ZFR2: variants seen among roughly 807,000 people sequenced by gnomAD.
ZFR2 encodes zinc finger RNA binding protein 2, also known as zinc finger RNA-binding protein 2.
Under a neutral mutation model 105.7 loss-of-function variants are expected in ZFR2, and 104 were observed. That is an observed-to-expected ratio of 0.98 (90% CI 0.84 to 1.16). ZFR2 has a LOEUF of 1.16. Among genes scored for constraint, ZFR2 ranks in the 50% most tolerant of loss-of-function variants. The probability of loss-of-function intolerance (pLI) is 0.00; values close to 1 mark genes in which losing one functional copy is unlikely to be tolerated. For missense variants in ZFR2, 1,425 were observed against 1,355.5 expected, an observed-to-expected ratio of 1.05 and a Z score of -0.80; for synonymous variants, 634 against 597.7, an observed-to-expected ratio of 1.06 and a Z score of -0.89.
At position 3,827,496 on chromosome 19, in the gene ZFR2, T is replaced by G. The variant is rs959504961; in HGVS notation, c.1010A>C (p.His337Pro). ...SCTGADAYAAHIRGSKHQKVF... is the reference protein window; with the variant it reads ...SCTGADAYAAPIRGSKHQKVF... The stretch of plus-strand genomic sequence containing the variant: ...CTTCTGGTGCTTGGATCCCCGGATG[T>G]GGGCCGCGTAGGCGTCCGCCCCGGT... The change falls in exon 6 of 19, where the codon CAC becomes CCC. Residue 337 changes from histidine to proline, a missense_variant. His to Pro is a moderately conservative substitution (Grantham distance 77). Transcript: ENST00000262961. 6.4e-7 allele frequency: 1 copy of G among 1,552,872 alleles called. No homozygotes were observed. The highest frequency in any genetic ancestry group is 2.4e-5 in the East Asian group (1 of 41,212).
At chr19:3,855,543 C>T (rs2038287768) in intron 1 of ZFR2, 3 of 959,074 alleles carry the variant, frequency 3.1e-6, no homozygotes, top group Non-Finnish European at 4.1e-6. Context: ...ACCAAAGTCC[C>T]GTCCTCCAGG....
intron 10 of ZFR2, 44 bp from the exon 11 acceptor site, chr19:3,820,334 G>A (rs1301751992): frequency 2.7e-6 from 4 of 1,499,338 alleles, no homozygotes; most frequent in Non-Finnish European, 3.5e-6. Flanking sequence ...GCCAGCAGTG[G>A]CCCTAAGCTG....
intron 1 of ZFR2, among the ~76,000 whole-genome samples, chr19:3,836,180 A>C (rs1213275654): frequency 6.6e-6 from 1 of 152,154 alleles, no homozygotes; most frequent in Admixed American, 6.5e-5. Flanking sequence ...GTTACATTCC[A>C]TTGTTTAGGG....
At chr19:3,843,530 C>T (rs975314409) in intron 1 of ZFR2, among the ~76,000 whole-genome samples, 1 of 150,092 alleles carries the variant, frequency 6.7e-6, no homozygotes, top group Admixed American at 6.7e-5. Context: ...ATGATTCGGC[C>T]TTAAAAAGAA....
At position 3,821,338 on chromosome 19, in the gene ZFR2, A is replaced by G; in HGVS notation, c.1631+2T>C. On this transcript the variant is annotated splice_donor_variant, in intron 10 of 18. Transcript: ENST00000262961. LOFTEE classifies it high-confidence loss of function. The stretch of plus-strand genomic sequence containing the variant: ...CCCTTGCCAAGACCCGCAGCCGGGC[A>G]CCTCCTCTCCGCGTGCCAGCGCCGC... 6.3e-7 allele frequency: 1 copy of G among 1,584,884 alleles called. No homozygotes were observed. Among genetic ancestry groups the G allele is most frequent in the East Asian group, 2.3e-5 (1 of 43,744 alleles).
chr19:3,831,427 C>G lies in ZFR2; in HGVS notation c.728G>C (p.Gly243Ala). 6.4e-7 allele frequency: 1 copy of G among 1,554,198 alleles called. No homozygotes were observed. Among genetic ancestry groups the G allele is most frequent in the Non-Finnish European group, 8.7e-7 (1 of 1,150,558 alleles). The change falls in exon 5 of 19, where the codon GGA (glycine) becomes GCA (alanine). Residue 243 changes from glycine to alanine, a missense_variant. Transcript: ENST00000262961. ...CTTCGAGTCGGCCCTGGGGCTGCTT[C>G]CTGAGCCTGCAGGCGCGGGCGGCGG... ...LPPPPAPAGS[G>A]SSPRADSKPP...
At chr19:3,867,243 G>A (rs1211872751) in intron 1 of ZFR2, among the ~76,000 whole-genome samples, 1 of 150,924 alleles carries the variant, frequency 6.6e-6, no homozygotes, top group East Asian at 2.0e-4. Context: ...GAGAAACAAG[G>A]TTATAGCAAG....
chr19:3,855,296 G>A (rs902465858), intron 1 of ZFR2: 25 of 1,021,950 alleles, frequency 2.4e-5, no homozygotes, highest in African/African-American at 5.0e-5. Context: ...GCCATCTTCT[G>A]GCTAAGCTGA....
rs1476412975 is a variant in ZFR2, at chr19:3,811,327, C to A, written c.2282G>T (p.Ser761Ile). The A allele has an allele frequency of 5.0e-6, 8 of 1,605,156 alleles. No homozygotes were observed. The highest frequency in any genetic ancestry group is 6.8e-6 in the Non-Finnish European group (8 of 1,176,566). Residue 761 changes from serine to isoleucine, a missense_variant, in exon 15 of 19, where the codon AGC becomes ATC. Ser to Ile is a moderately radical substitution (Grantham distance 142). Transcript: ENST00000262961. ...CAGGGACTCGAGGCACTTCTTGGGGCTCAGGACATCACCTGCATCAGCCTG... is the reference window on the plus strand; with the variant it reads ...CAGGGACTCGAGGCACTTCTTGGGGATCAGGACATCACCTGCATCAGCCTG... ...EPQADAGDVL[S>I]PKKCLESLAA...
At chr19:3,821,615 T>C (rs1349867544) in intron 9 of ZFR2, 136 bp from the exon 10 acceptor site, 4 of 841,700 alleles carry the variant, frequency 4.8e-6, no homozygotes, top group Admixed American at 7.8e-5. Context: ...TTTTTTTTTT[T>C]TTTTTTTTTT....
At chr19:3,821,898 C>G (rs2037897791) in intron 9 of ZFR2, among the ~76,000 whole-genome samples, 183 bp downstream of exon 9, 2 of 152,196 alleles carry the variant, frequency 1.3e-5, no homozygotes, top group Admixed American at 6.5e-5. Context: ...CGTGAGACAC[C>G]GCGCCCGGCC....
chr19:3,825,339 G>A lies in ZFR2; in HGVS notation c.1104C>T (p.Ser368=). The A allele has an allele frequency of 2.5e-6, 4 of 1,588,936 alleles. No homozygotes were observed. Among genetic ancestry groups the A allele is most frequent in the South Asian group, 1.1e-5 (1 of 87,244 alleles). ...PTLEPALATE[S]PPGAEAKPTS... Reference sequence around the variant, plus strand: ...TGGGCTTGGCCTCTGCCCCGGGGGGGCTCTCTGTGGCCAGTGCAGGCTCGA... The same window carrying A: ...TGGGCTTGGCCTCTGCCCCGGGGGGACTCTCTGTGGCCAGTGCAGGCTCGA... Residue 368 remains serine, a synonymous_variant, in exon 7 of 19, where the codon AGC becomes AGT. Coordinates refer to ENST00000262961, the MANE Select transcript of ZFR2 (RefSeq NM_015174.2).
intron 7 of ZFR2, 97 bp downstream of exon 7, chr19:3,825,133 T>G (rs2037934304): frequency 7.4e-7 from 1 of 1,353,410 alleles, no homozygotes; most frequent in African/African-American, 1.5e-5. Context: ...CGGGAAGACA[T>G]GACGAAAATC....
intron 1 of ZFR2, chr19:3,855,541 C>A: frequency 1.0e-6 from 1 of 984,548 alleles, no homozygotes; most frequent in East Asian, 3.3e-5. Context: ...AGACCAAAGT[C>A]CCGTCCTCCA....
chr19:3,831,301 A>C lies in ZFR2; in HGVS notation c.852+2T>G, dbSNP rs1254713215. 3.9e-6 allele frequency: 6 copies of C among 1,527,666 alleles called. No individual in the cohort carries two copies. Among genetic ancestry groups the C allele is most frequent in the Non-Finnish European group, 5.3e-6 (6 of 1,136,824 alleles). 94.6% of individuals were successfully genotyped at this position (1,527,666 alleles called of 1,614,324 possible). On this transcript the variant is annotated splice_donor_variant, in intron 5 of 18. Coordinates refer to ENST00000262961, the MANE Select transcript of ZFR2 (RefSeq NM_015174.2). LOFTEE classifies it high-confidence loss of function. ...CCTGCCCATGGCAGGAGGGCGACTG[A>C]CCTGGGGGCCAGCGCAGCTGATCTT...
At chr19:3,852,679 AT>A (rs768036238) in intron 1 of ZFR2, 110 of 672,936 alleles carry the variant, frequency 1.6e-4, no homozygotes, top group Non-Finnish European at 2.7e-4. Context: ...GGATGAAGGC[AT>A]TTTGGCAACA....
chr19:3,809,755 C>T (rs2037741522), intron 16 of ZFR2, among the ~76,000 whole-genome samples: 1 of 152,020 alleles, frequency 6.6e-6, no homozygotes, highest in Non-Finnish European at 1.5e-5. Context: ...ACCATCCTGG[C>T]CAACATGGCG....
intron 1 of ZFR2, among the ~76,000 whole-genome samples, chr19:3,851,632 A>T (rs536041925): frequency 1.3e-5 from 2 of 152,318 alleles, no homozygotes; most frequent in South Asian, 4.1e-4. Flanking sequence ...TAGGGGAGGA[A>T]GGGAGGGGAC....
chr19:3,816,677 G>A lies in ZFR2; in HGVS notation c.2100C>T (p.Leu700=), dbSNP rs1258894814. The A allele has an allele frequency of 6.2e-7, 1 of 1,607,464 alleles. No individual in the cohort carries two copies. The highest frequency in any genetic ancestry group is 1.7e-5 in the Admixed American group (1 of 59,868). The change falls in exon 13 of 19, where the codon CTC becomes CTT. Residue 700 remains leucine, a synonymous_variant. Transcript: ENST00000262961. ...ATGAGCAGGGCCCTGACCTTACCTG[G>A]AGCTGCCGGGGCAGCTGCTGGGCGA... ...RRIAQQLPRQ[L]QMVTEDEYEV...
Sources: allele counts gnomAD v4.1 joint callset (sites outside exome capture counted in the v4.1 genomes callset), GRCh38; gene constraint gnomAD v4.1.1; transcripts MANE v1.5; gene names NCBI Gene and HGNC (gene_info 2026-07-23, HGNC 2026-07-21).